ZNF577: variants seen among roughly 807,000 people sequenced by gnomAD.
ZNF577 encodes zinc finger protein 577.
In ZNF577, 14 loss-of-function variants were observed where a neutral mutation model predicts 13.9. That is an observed-to-expected ratio of 1.00 (90% CI 0.66 to 1.57). The LOEUF (loss-of-function observed/expected upper bound fraction) is 1.57, where lower values mean the gene tolerates loss of function less well. ZNF577 is among the 40% of genes most tolerant of loss of function. The probability of loss-of-function intolerance (pLI) is 0.00; values close to 1 mark genes in which losing one functional copy is unlikely to be tolerated. For missense variants in ZNF577, 555 were observed against 579.2 expected, an observed-to-expected ratio of 0.96 and a Z score of 0.43; for synonymous variants, 203 against 202.9, an observed-to-expected ratio of 1.00 and a Z score of 0.00.
At chr19:51,822,398 C>T (rs908984569) in intron 9 of ZNF577, among the ~76,000 whole-genome samples, 1 of 151,992 alleles carries the variant, frequency 6.6e-6, no homozygotes, top group Non-Finnish European at 1.5e-5. Context: ...AACAAAATTG[C>T]GATTTGATTT....
chr19:51,843,192 G>A (rs35771860), exon 7 of ZNF577: 11,641 of 152,668 alleles, frequency 0.076, 666 homozygotes, highest in South Asian at 0.23. Flanking sequence ...TCTTTACCCA[G>A]TGACACTAGG....
chr19:51,854,123 T>C (rs1391666810), intron 5 of ZNF577, among the ~76,000 whole-genome samples: 1 of 133,074 alleles, frequency 7.5e-6, no homozygotes, highest in Non-Finnish European at 1.8e-5. Flanking sequence ...TTCTGGATTG[T>C]ATGTAATTGA....
intron 9 of ZNF577, among the ~76,000 whole-genome samples, chr19:51,831,697 A>C (rs1400420744): frequency 6.6e-6 from 1 of 152,178 alleles, no homozygotes; most frequent in Non-Finnish European, 1.5e-5. Context: ...TAATAATAAA[A>C]ACATCTGAAT....
chr19:51,842,437 C>T (rs1335664928), intron 8 of ZNF577, among the ~76,000 whole-genome samples: 1 of 152,062 alleles, frequency 6.6e-6, no homozygotes, highest in Non-Finnish European at 1.5e-5. Context: ...TGCTCTCCTG[C>T]CATATGAGAA....
intron 1 of ZNF577, among the ~76,000 whole-genome samples, chr19:51,882,229 AC>A (rs1229191933): frequency 1.3e-5 from 2 of 152,096 alleles, no homozygotes; most frequent in African/African-American, 4.8e-5. Context: ...CCAGGATCCA[AC>A]CATTCCCAGA....
intron 9 of ZNF577, chr19:51,817,696 C>T (rs978210412): frequency 1.3e-5 from 2 of 152,050 alleles, no homozygotes; most frequent in Non-Finnish European, 2.9e-5. Flanking sequence ...GAGGTGTTGT[C>T]TGATTCTAGA....
intron 2 of ZNF577, 129 bp downstream of exon 2, chr19:51,880,550 C>T: frequency 1.5e-6 from 1 of 675,864 alleles, no homozygotes; most frequent in Non-Finnish European, 2.5e-6. Context: ...AAGATTCCAA[C>T]TTAAACTTAT....
chr19:51,843,498 T>C (rs1225108338), intron 6 of ZNF577, among the ~76,000 whole-genome samples: 1 of 152,240 alleles, frequency 6.6e-6, no homozygotes, highest in Non-Finnish European at 1.5e-5. Flanking sequence ...TCTTTGTGCA[T>C]TCTTCATTCA....
chr19:51,857,426 G>A (rs200061063), intron 5 of ZNF577, among the ~76,000 whole-genome samples: 11 of 96,768 alleles, frequency 1.1e-4, no homozygotes, highest in African/African-American at 4.0e-4. Context: ...AAGAAAGAAA[G>A]AAAAGAAAAA....
chr19:51,824,686 T>C lies in ZNF577; in HGVS notation c.*600-13012A>G, dbSNP rs2084218857. On this transcript the variant is annotated intron_variant and NMD_transcript_variant, in intron 9 of 10. Transcript: ENST00000638827. This position sits in a 1 kb window ranked among gnomAD's most constrained non-coding sequence, Gnocchi z 4.7. ...ATGGGTCGTAACTTCCAAGAAAGAC[T>C]GATTCGCTCTTTGCCCACTAGTTTG... The C allele has an allele frequency of 1.9e-6, 3 of 1,614,006 alleles. No individual in the cohort carries two copies. Among genetic ancestry groups the C allele is most frequent in the African/African-American group, 2.7e-5 (2 of 74,912 alleles).
At chr19:51,814,486 TTTTG>T (rs111878163) in intron 9 of ZNF577, among the ~76,000 whole-genome samples, 1 of 151,280 alleles carries the variant, frequency 6.6e-6, no homozygotes, top group Admixed American at 6.6e-5. Flanking sequence ...GGTTTTTGTT[TTTTG>T]TTTGTTTTGT....
At chr19:51,808,034 C>A (rs2084072051) in intron 10 of ZNF577, among the ~76,000 whole-genome samples, 1 of 152,182 alleles carries the variant, frequency 6.6e-6, no homozygotes, top group Non-Finnish European at 1.5e-5. Flanking sequence ...TAAACAAAAG[C>A]AAAGGTTTTT....
chr19:51,844,424 C>T (rs761915721), intron 6 of ZNF577, among the ~76,000 whole-genome samples: 6 of 152,108 alleles, frequency 3.9e-5, no homozygotes, highest in Admixed American at 6.6e-5. Flanking sequence ...CTGATATCAA[C>T]GATTTTATGT....
At chr19:51,861,165 C>G (rs1214346082) in intron 5 of ZNF577, 2 of 284,066 alleles carry the variant, frequency 7.0e-6, no homozygotes, top group African/African-American at 5.7e-5. Flanking sequence ...GTCACCCAGG[C>G]TGGAGTACAC....
At position 51,842,640 on chromosome 19, in the gene ZNF577, G is replaced by C. The variant is rs1263553390; in HGVS notation, c.*374+181C>G. 4.6e-5 allele frequency among the ~76,000 whole-genome samples: 7 copies of C among 152,196 alleles called. No homozygotes were observed. The South Asian group carries it at 1.4e-3, about 32-fold the overall frequency. ...TGTTATAGCAGCACAAGTGGACTAT[G>C]ACAGATAGTAAGAGGAGGAGAAATT... On this transcript the variant is annotated intron_variant and NMD_transcript_variant, in intron 8 of 10. Transcript: ENST00000638827.
chr19:51,822,371 A>T (rs1438224206), intron 9 of ZNF577, among the ~76,000 whole-genome samples: 1 of 152,220 alleles, frequency 6.6e-6, no homozygotes, highest in Non-Finnish European at 1.5e-5. Context: ...ACCTTCCCCC[A>T]AAAGAGTGAG....
At position 51,872,875 on chromosome 19, in the gene ZNF577, T is replaced by C. The variant is rs1182078879; in HGVS notation, c.1115A>G (p.His372Arg). The C allele has an allele frequency of 6.2e-7, 1 of 1,614,194 alleles. No individual in the cohort carries two copies. Among genetic ancestry groups the C allele is most frequent in the Admixed American group, 1.7e-5 (1 of 60,030 alleles). The change falls in exon 6 of 6, where the codon CAT becomes CGT. Residue 372 changes from histidine (H) to arginine (R), a missense_variant. His to Arg is a conservative substitution (Grantham distance 29). Transcript: ENST00000638348. ...AFAHMSVLIK[H>R]EKTHIRETAI... Reference sequence around the variant, plus strand: ...TGTCTCTCTTATGTGAGTTTTCTCATGTTTAATGAGGACTGACATGTGGGC... The same window carrying C: ...TGTCTCTCTTATGTGAGTTTTCTCACGTTTAATGAGGACTGACATGTGGGC...
chr19:51,833,962 G>C lies in ZNF577; in HGVS notation c.*599+5931C>G, dbSNP rs554743774. ...TACAATGTGTATAATAGTCAAATCA[G>C]GGTAATTAGCACATCCATCACCTAA... On this transcript the variant is annotated intron_variant and NMD_transcript_variant, in intron 9 of 10. Coordinates refer to the ZNF577 transcript ENST00000638827. 1.2e-4 allele frequency among the ~76,000 whole-genome samples: 18 copies of C among 152,256 alleles called. No homozygotes were observed. In the South Asian group the frequency reaches 3.1e-3, roughly 26 times the overall value.
Position 51,842,410 on chromosome 19 carries a change from G to A in ZNF577, c.*374+411C>T, listed in dbSNP as rs185622351. Among the ~76,000 whole-genome samples the A allele has an allele frequency of 3.7e-4, 56 of 152,232 alleles. 1 individual carries two copies. The East Asian group carries it at 7.7e-3, about 21-fold the overall frequency. On this transcript the variant is annotated intron_variant and NMD_transcript_variant, in intron 8 of 10. Coordinates refer to the ZNF577 transcript ENST00000638827. The stretch of plus-strand genomic sequence containing the variant: ...GCCATGATAAAAAGGCCTTGTGGGA[G>A]TGGGTTTGCTACTTTTTGCTCTCCT...
Sources: gnomAD v4.1 joint callset for allele counts (sites outside exome capture counted in the v4.1 genomes callset) on GRCh38, gnomAD v4.1.1 for gene constraint, Gnocchi (gnomAD v3.1) non-coding constraint, MANE v1.5 for transcripts, NCBI Gene and HGNC (gene_info 2026-07-23, HGNC 2026-07-21) for gene names.